IFT140: variants seen among roughly 807,000 people sequenced by gnomAD.
The protein encoded by IFT140 is intraflagellar transport protein 140 homolog.
A neutral mutation model predicts 164.6 loss-of-function variants in IFT140; 133 were observed. The ratio of observed to expected loss-of-function variants is 0.81; its 90% CI spans 0.70 to 0.93. The LOEUF (loss-of-function observed/expected upper bound fraction) is 0.93. Ranked by LOEUF, IFT140 falls within the 40% of genes least tolerant of loss-of-function variation. The pLI is 0.00. For missense variants in IFT140, 2,045 were observed against 1,972.3 expected (o/e 1.04, Z -0.70); for synonymous variants, 860 against 817.3 (o/e 1.05, Z -0.89).
At chr16:1,528,352 C>A (rs3859131) in intron 19 of IFT140, among the ~76,000 whole-genome samples, 1 of 130,994 alleles carries the variant, frequency 7.6e-6, no homozygotes, top group South Asian at 2.2e-4. Flanking sequence ...CACGCATGCA[C>A]GCACGTGTGC....
At position 1,520,806 on chromosome 16, in the gene IFT140, A is replaced by T. The variant is rs2040503835; in HGVS notation, c.3456T>A (p.Tyr1152Ter). The T allele has an allele frequency of 6.2e-7, 1 of 1,602,046 alleles. No homozygotes were observed. Among genetic ancestry groups the T allele is most frequent in the African/African-American group, 1.3e-5 (1 of 74,892 alleles). ...AVELLLAARK[Y>*]QEALQLCLGQ... ...CCAGGCACAGCTGCAGGGCTTCCTG[A>T]TACTGCAAAGGTGCAGAAATGGGAC... is the stretch of plus-strand genomic sequence containing the variant. The change falls in exon 27 of 31, where the codon TAT (tyrosine) becomes TAA (stop). Residue 1152 changes from tyrosine (Y) to a stop codon, truncating the protein, a stop_gained and splice_region_variant. Transcript: ENST00000426508. LOFTEE classifies it high-confidence loss of function.
chr16:1,580,830 G>C lies in IFT140; in HGVS notation c.1453C>G (p.Pro485Ala). 6.2e-7 allele frequency: 1 copy of C among 1,613,520 alleles called. No homozygotes were observed. Among genetic ancestry groups the C allele is most frequent in the Non-Finnish European group, 8.5e-7 (1 of 1,179,642 alleles). The stretch of plus-strand genomic sequence containing the variant: ...TTTTCTTCATGCATTGCTAACACAG[G>C]CGTCTCACACAAGAAGGTCCCTAAA... ...RSAGTFLCETPVLAMHEENVY... is the reference protein window; with the variant it reads ...RSAGTFLCETAVLAMHEENVY... The change falls in exon 13 of 31, where the codon CCT becomes GCT. Residue 485 changes from proline to alanine, a missense_variant. Coordinates refer to ENST00000426508, the MANE Select transcript of IFT140 (RefSeq NM_014714.4).
chr16:1,520,580 G>T, intron 27 of IFT140, 22 bp downstream of exon 27: 1 of 1,551,212 alleles, frequency 6.4e-7, no homozygotes, highest in Admixed American at 1.9e-5. Context: ...GTAGCCGCGG[G>T]CTGGGGCCGG....
chr16:1,584,571 T>C (rs557849632), intron 10 of IFT140, 151 bp from the exon 11 acceptor site: 13 of 657,182 alleles, frequency 2.0e-5, no homozygotes, highest in Non-Finnish European at 3.4e-5. Context: ...TAAGACATTA[T>C]AAGAAAAGTC....
intron 30 of IFT140, among the ~76,000 whole-genome samples, chr16:1,511,896 G>A (rs866908870): frequency 2.0e-5 from 3 of 151,752 alleles, no homozygotes; most frequent in Non-Finnish European, 2.9e-5. Context: ...AGGTCAGGCC[G>A]AGGTCCTGCA....
chr16:1,537,871 A>T (rs1002140706), intron 19 of IFT140, among the ~76,000 whole-genome samples: 1 of 152,132 alleles, frequency 6.6e-6, no homozygotes, highest in African/African-American at 2.4e-5. Flanking sequence ...GTCACCACGC[A>T]TGCCCCGCCA....
At chr16:1,542,052 A>G (rs948876866) in intron 19 of IFT140, 2 of 1,609,716 alleles carry the variant, frequency 1.2e-6, no homozygotes, top group Non-Finnish European at 1.7e-6. Flanking sequence ...GGAGGAGGCC[A>G]TGGCCGCTGC....
At chr16:1,596,957 C>G (rs2035494854) in intron 4 of IFT140, among the ~76,000 whole-genome samples, 2 of 152,070 alleles carry the variant, frequency 1.3e-5, no homozygotes, top group Admixed American at 1.3e-4. Flanking sequence ...GAAAAGCTAC[C>G]CCAAAGGTGA....
intron 14 of IFT140, 130 bp downstream of exon 14, chr16:1,571,277 A>G: frequency 1.2e-6 from 1 of 811,054 alleles, no homozygotes; most frequent in Non-Finnish European, 1.9e-6. Flanking sequence ...ATTCGAGAGC[A>G]CAAGTGGCAT....
At chr16:1,580,923 C>A in intron 12 of IFT140, 73 bp from the exon 13 acceptor site, 1 of 961,996 alleles carries the variant, frequency 1.0e-6, no homozygotes, top group Non-Finnish European at 1.7e-6. Context: ...AGGAGCATTC[C>A]CACACACGAT....
intron 21 of IFT140, 148 bp downstream of exon 21, chr16:1,525,739 A>C (rs2040670309): frequency 4.8e-6 from 4 of 834,262 alleles, no homozygotes; most frequent in South Asian, 1.9e-5. Flanking sequence ...GACTCCCAGA[A>C]GCTTCCTGCC....
At chr16:1,610,176 C>T (rs560074316) in intron 2 of IFT140, 6 of 155,080 alleles carry the variant, frequency 3.9e-5, no homozygotes, top group East Asian at 1.9e-4. Context: ...AAAGCCTCGC[C>T]CTCCAGGCCA....
chr16:1,525,942 G>A lies in IFT140; in HGVS notation c.2713C>T (p.His905Tyr), dbSNP rs1476240855. 1.9e-6 allele frequency: 3 copies of A among 1,577,198 alleles called. No individual in the cohort carries two copies. Among genetic ancestry groups the A allele is most frequent in the South Asian group, 2.3e-5 (2 of 86,118 alleles). The change falls in exon 21 of 31, where the codon CAC becomes TAC. Residue 905 changes from histidine (H) to tyrosine (Y), a missense_variant. Transcript: ENST00000426508. ...HDRVHLRSTY[H>Y]RYAGHLEASA... ...GCCTCCAGGTGCCCGGCATAGCGGT[G>A]GTAGGTGCTGCGCAGGTGCACGCGA...
At chr16:1,607,024 ACACACACACATGTG>A (rs2036108256) in intron 3 of IFT140, 82 bp downstream of exon 3, 1 of 1,186,820 alleles carries the variant, frequency 8.4e-7, no homozygotes, top group Non-Finnish European at 1.2e-6. Context: ...ACCCATAGGC[ACACACACACATGTG>A]CACACACACA....
At chr16:1,597,715 G>A (rs1410283874) in intron 4 of IFT140, among the ~76,000 whole-genome samples, 1 of 152,202 alleles carries the variant, frequency 6.6e-6, no homozygotes, top group African/African-American at 2.4e-5. Flanking sequence ...TAAATATTCT[G>A]ACTCACAAGA....
rs755972924 is a variant in IFT140, at chr16:1,523,918, C to T, written c.3180G>A (p.Leu1060=). 1.9e-6 allele frequency: 3 copies of T among 1,613,344 alleles called. No individual in the cohort carries two copies. Among genetic ancestry groups the T allele is most frequent in the South Asian group, 2.2e-5 (2 of 91,064 alleles). The change falls in exon 25 of 31, where the codon CTG becomes CTA. Residue 1060 remains leucine, a synonymous_variant. Transcript: ENST00000426508. ...CGATCATGTCCTCGGGGGAGCTCAGCAGGGCCAAGTTCATGAGCTGGTCGT... is the reference window on the plus strand; with the variant it reads ...CGATCATGTCCTCGGGGGAGCTCAGTAGGGCCAAGTTCATGAGCTGGTCGT... ...GLDDQLMNLA[L]LSSPEDMIEA...
At chr16:1,592,029 C>T in intron 6 of IFT140, 147 bp downstream of exon 6, 1 of 852,664 alleles carries the variant, frequency 1.2e-6, no homozygotes, top group Non-Finnish European at 1.8e-6. Flanking sequence ...GGCTGCGGCA[C>T]TCCGCCTGGC....
intron 26 of IFT140, 68 bp from the exon 27 acceptor site, chr16:1,520,876 C>T (rs1305584728): frequency 1.4e-6 from 2 of 1,444,876 alleles, no homozygotes; most frequent in African/African-American, 1.4e-5. Context: ...CCCTCATCTG[C>T]CACCGCTTCA....
chr16:1,574,573 G>A (rs1202634357), intron 13 of IFT140, among the ~76,000 whole-genome samples: 1 of 152,166 alleles, frequency 6.6e-6, no homozygotes, highest in Non-Finnish European at 1.5e-5. Flanking sequence ...GAGCCACCAT[G>A]CCCAGCCAAG....
Sources: gnomAD v4.1 joint callset for allele counts (sites outside exome capture counted in the v4.1 genomes callset) on GRCh38, gnomAD v4.1.1 for gene constraint, MANE v1.5 for transcripts, NCBI Gene and HGNC (gene_info 2026-07-23, HGNC 2026-07-21) for gene names.